The following TRAPPC9 variants were observed in gnomAD, a reference collection of about 807,000 sequenced individuals.
The protein encoded by TRAPPC9 is trafficking protein particle complex subunit 9, also known as IKK2 binding protein.
A neutral mutation model predicts 124.0 loss-of-function variants in TRAPPC9; 83 were observed. The ratio of observed to expected loss-of-function variants is 0.67; its 90% CI spans 0.56 to 0.80. The LOEUF (loss-of-function observed/expected upper bound fraction) is 0.80. TRAPPC9 is among the 30% of genes least tolerant of loss of function. The pLI, the probability that TRAPPC9 is intolerant of heterozygous loss-of-function variation, is 0.00. For synonymous variants in TRAPPC9, 638 were observed against 617.5 expected, an observed-to-expected ratio of 1.03 and a Z score of -0.49; for missense variants, 1,302 against 1,508.3, an observed-to-expected ratio of 0.86 and a Z score of 2.27.
chr8:139,995,826 G>T (rs1279636486), intron 18 of TRAPPC9, among the ~76,000 whole-genome samples: 2 of 141,328 alleles, frequency 1.4e-5, no homozygotes, highest in Non-Finnish European at 3.0e-5. Context: ...TTTGAAACTG[G>T]AACTGCAGCA....
At chr8:140,253,616 T>G (rs1440216216) in intron 15 of TRAPPC9, among the ~76,000 whole-genome samples, 1 of 151,540 alleles carries the variant, frequency 6.6e-6, no homozygotes, top group Non-Finnish European at 1.5e-5. Flanking sequence ...AGGCAGAGGT[T>G]GCAATGAGCC....
At chr8:139,874,732 G>A (rs1241434050) in intron 21 of TRAPPC9, among the ~76,000 whole-genome samples, 2 of 152,184 alleles carry the variant, frequency 1.3e-5, no homozygotes, top group African/African-American at 4.8e-5. Flanking sequence ...TGGGCAGTGG[G>A]GGGCCTTCTG....
At chr8:139,799,154 A>G (rs1169629014) in intron 21 of TRAPPC9, among the ~76,000 whole-genome samples, 1 of 152,136 alleles carries the variant, frequency 6.6e-6, no homozygotes, top group African/African-American at 2.4e-5. Flanking sequence ...GGGAGGTAAT[A>G]GGATCCTGCG....
chr8:139,831,871 C>T lies in TRAPPC9; in HGVS notation c.3055+54008G>A, dbSNP rs545325720. 2.6e-5 allele frequency among the ~76,000 whole-genome samples: 4 copies of T among 152,368 alleles called. No homozygotes were observed. The South Asian group carries it at 8.3e-4, about 32-fold the overall frequency. On this transcript the variant is annotated intron_variant, in intron 21 of 22. Transcript: ENST00000438773. ...CGGAAGGCTGCCCAGGCCTCTGCCT[C>T]CGTGCTCTTTCCACAGTGCTTCCGC...
chr8:140,014,705 G>A (rs1232929380), intron 18 of TRAPPC9, among the ~76,000 whole-genome samples: 2 of 152,168 alleles, frequency 1.3e-5, no homozygotes, highest in Admixed American at 1.3e-4. Context: ...GTCAGAGCAG[G>A]TGTGGCAGCA....
intron 21 of TRAPPC9, among the ~76,000 whole-genome samples, chr8:139,812,561 G>A (rs1477344725): frequency 2.6e-5 from 4 of 152,186 alleles, no homozygotes; most frequent in Non-Finnish European, 4.4e-5. Flanking sequence ...GCTGGTCTTC[G>A]TTATGTGCCT....
chr8:140,453,436 T>C (rs1234939105), intron 1 of TRAPPC9, among the ~76,000 whole-genome samples: 1 of 149,342 alleles, frequency 6.7e-6, no homozygotes, highest in Non-Finnish European at 1.5e-5. Flanking sequence ...GTGACATTGC[T>C]ATAAGACCTC....
intron 19 of TRAPPC9, among the ~76,000 whole-genome samples, chr8:139,982,239 G>A (rs1433548167): frequency 1.3e-5 from 2 of 152,194 alleles, no homozygotes; most frequent in Non-Finnish European, 2.9e-5. Context: ...GAAAATGGAC[G>A]AGGAGGGAAG....
intron 5 of TRAPPC9, among the ~76,000 whole-genome samples, chr8:140,422,788 TA>T (rs1265484613): frequency 1.4e-5 from 2 of 141,960 alleles, no homozygotes; most frequent in South Asian, 4.5e-4. Flanking sequence ...AACTCAACAA[TA>T]AAAAGACAAA....
At chr8:140,207,651 T>C (rs2062958665) in intron 17 of TRAPPC9, among the ~76,000 whole-genome samples, 1 of 152,232 alleles carries the variant, frequency 6.6e-6, no homozygotes, top group Non-Finnish European at 1.5e-5. Context: ...CTGCGGACCC[T>C]GCGGATGAAC....
chr8:140,365,671 G>A (rs1321614466), intron 8 of TRAPPC9, among the ~76,000 whole-genome samples: 1 of 152,246 alleles, frequency 6.6e-6, no homozygotes, highest in Non-Finnish European at 1.5e-5. Context: ...CACAGCAGCT[G>A]CTCCAGGTAT....
intron 19 of TRAPPC9, among the ~76,000 whole-genome samples, chr8:139,957,443 G>C (rs1349584566): frequency 6.6e-6 from 1 of 152,240 alleles, no homozygotes; most frequent in African/African-American, 2.4e-5. Flanking sequence ...GAGTCAGAGA[G>C]AGGCAGGGAC....
chr8:140,423,579 TACACACACACAC>T (rs35333495), intron 5 of TRAPPC9, among the ~76,000 whole-genome samples: 5 of 145,350 alleles, frequency 3.4e-5, no homozygotes, highest in African/African-American at 5.2e-5. Context: ...AAATGTGGCA[TACACACACACAC>T]ACACACACAC....
At chr8:140,326,722 A>C (rs1011561497) in intron 9 of TRAPPC9, among the ~76,000 whole-genome samples, 11 of 152,080 alleles carry the variant, frequency 7.2e-5, no homozygotes, top group African/African-American at 2.7e-4. Context: ...AAATTCAAAA[A>C]AAAAATAAAT....
At chr8:139,919,892 A>G (rs1832402630) in intron 19 of TRAPPC9, among the ~76,000 whole-genome samples, 1 of 152,212 alleles carries the variant, frequency 6.6e-6, no homozygotes, top group African/African-American at 2.4e-5. Flanking sequence ...CTCAGACTCC[A>G]GGCGCGGCAT....
At chr8:139,890,316 C>T (rs1020617761) in intron 20 of TRAPPC9, among the ~76,000 whole-genome samples, 2 of 152,228 alleles carry the variant, frequency 1.3e-5, no homozygotes, top group African/African-American at 4.8e-5. Flanking sequence ...CCCATCAGGG[C>T]TAAGGAGGTG....
At position 140,451,289 on chromosome 8, in the gene TRAPPC9, C is replaced by T; in HGVS notation, c.85G>A (p.Glu29Lys). ...VVQPVGIVSEENFFRIYKRIC... is the reference protein window; with the variant it reads ...VVQPVGIVSEKNFFRIYKRIC... Reference sequence around the variant, plus strand: ...CTCTTATAGATCCTGAAGAAGTTCTCCTCGGAGACGATGCCCACAGGCTGG... The same window carrying T: ...CTCTTATAGATCCTGAAGAAGTTCTTCTCGGAGACGATGCCCACAGGCTGG... The change falls in exon 2 of 23, where the codon GAG becomes AAG. Residue 29 changes from glutamate to lysine, a missense_variant. Physicochemically the swap from Glu to Lys is moderately conservative, Grantham distance 56 (BLOSUM62 1). This residue lies in a region of TRAPPC9 where 657 missense variants were observed against 811.2 expected (regional missense o/e 0.81). Coordinates refer to ENST00000438773, the MANE Select transcript of TRAPPC9 (RefSeq NM_001160372.4). 6.2e-7 allele frequency: 1 copy of T among 1,610,712 alleles called. No homozygotes were observed. Among genetic ancestry groups the T allele is most frequent in the Non-Finnish European group, 8.5e-7 (1 of 1,180,026 alleles).
At chr8:139,807,882 G>C (rs1824178388) in intron 21 of TRAPPC9, among the ~76,000 whole-genome samples, 1 of 152,212 alleles carries the variant, frequency 6.6e-6, no homozygotes, top group Non-Finnish European at 1.5e-5. Flanking sequence ...TCTGGAGGTA[G>C]GGATGAGCTC....
rs544738725 is a variant in TRAPPC9 at position 140,245,359 on chromosome 8, C to T, written c.2431+7418G>A. On this transcript the variant is annotated intron_variant, in intron 16 of 22. Coordinates refer to ENST00000438773, the MANE Select transcript of TRAPPC9 (RefSeq NM_001160372.4). ...CTTGCTTCTCTTTGCCATTTTACCA[C>T]GTAAGCATGCAGCAATGAAACTACA... Among the ~76,000 whole-genome samples the T allele has an allele frequency of 5.3e-5, 8 of 152,252 alleles. No individual in the cohort carries two copies. The East Asian group carries it at 1.4e-3, about 26-fold the overall frequency.
Sources: gnomAD v4.1 joint callset for allele counts (sites outside exome capture counted in the v4.1 genomes callset) on GRCh38, gnomAD v4.1.1 for gene constraint, gnomAD v4.1.1 regional missense constraint, MANE v1.5 for transcripts, NCBI Gene and HGNC (gene_info 2026-07-23, HGNC 2026-07-21) for gene names.